The following UBE2Z variants were observed in gnomAD, a reference collection of about 807,000 sequenced individuals.
UBE2Z encodes the protein ubiquitin-conjugating enzyme E2 Z.
In UBE2Z, 10 loss-of-function variants were observed where a neutral mutation model predicts 32.6. The ratio of observed to expected loss-of-function variants is 0.31; its 90% CI spans 0.19 to 0.52. The LOEUF is 0.52. Among genes scored for constraint, UBE2Z ranks in the 20% least tolerant of loss-of-function variants. The pLI is 0.97. For synonymous variants in UBE2Z, 183 were observed against 190.8 expected, an observed-to-expected ratio of 0.96 and a Z score of 0.34; for missense variants, 343 against 480.9, an observed-to-expected ratio of 0.71 and a Z score of 2.68.
intron 3 of UBE2Z, among the ~76,000 whole-genome samples, chr17:48,914,170 G>A (rs1388201524): frequency 1.3e-5 from 2 of 152,158 alleles, no homozygotes; most frequent in Non-Finnish European, 2.9e-5. Context: ...AGTTGCCTTT[G>A]GGGGCTGAAA....
At position 48,910,811 on chromosome 17, in the gene UBE2Z, T is replaced by A; in HGVS notation, c.321T>A (p.Asp107Glu). 1 of 1,612,190 alleles carries A rather than the reference T, an allele frequency of 6.2e-7. No individual in the cohort carries two copies. Among genetic ancestry groups the A allele is most frequent in the Non-Finnish European group, 8.5e-7 (1 of 1,178,314 alleles). ...ACCTCCTCTTGGTGTTATACAGGGA[T>A]ATCATGTCCATTTATAAGGAGCCTC... ...APQCLLRIKR[D>E]IMSIYKEPPP... is the part of the protein sequence containing the mutation. The change falls in exon 2 of 7, where the codon GAT (aspartate) becomes GAA (glutamate). Residue 107 changes from aspartate (D) to glutamate (E), a missense_variant. Coordinates refer to ENST00000360943, the MANE Select transcript of UBE2Z (RefSeq NM_023079.5).
Position 48,927,229 on chromosome 17 carries a change from A to G in UBE2Z, c.*95A>G, listed in dbSNP as rs1429343196. The G allele has an allele frequency of 5.3e-5, 70 of 1,312,828 alleles. No individual in the cohort carries two copies. Among genetic ancestry groups the G allele is most frequent in the Non-Finnish European group, 1.9e-5 (18 of 951,130 alleles). 81.3% of individuals were successfully genotyped at this position (1,312,828 alleles called of 1,614,324 possible). On this transcript the variant is annotated 3_prime_UTR_variant, in exon 7 of 7. Transcript: ENST00000360943. The stretch of plus-strand genomic sequence containing the variant: ...GGAGAGGCACTGTGTATCTCCCTCC[A>G]GACTCGAAGTCATCCTGCAAGATGG...
intron 4 of UBE2Z, among the ~76,000 whole-genome samples, chr17:48,918,312 A>G (rs892271660): frequency 6.6e-6 from 1 of 152,164 alleles, no homozygotes; most frequent in African/African-American, 2.4e-5. Context: ...ACAAAGGATA[A>G]TAAAATGCCT....
intron 4 of UBE2Z, 22 bp downstream of exon 4, chr17:48,916,209 T>A: frequency 7.0e-7 from 1 of 1,431,540 alleles, no homozygotes; most frequent in Non-Finnish European, 9.4e-7. Context: ...TGGGCCTGGC[T>A]CTGGGGTGTA....
intron 4 of UBE2Z, among the ~76,000 whole-genome samples, chr17:48,917,319 A>G (rs563374387): frequency 3.9e-5 from 6 of 152,206 alleles, no homozygotes; most frequent in Admixed American, 1.3e-4. Context: ...AAATAATAAT[A>G]ATAATGAATT....
At chr17:48,915,880 T>A in intron 3 of UBE2Z, 196 bp from the exon 4 acceptor site, 1 of 258,892 alleles carries the variant, frequency 3.9e-6, no homozygotes, top group South Asian at 6.1e-5. Context: ...CCCCCCTTGA[T>A]TTGAGGATTA....
intron 5 of UBE2Z, among the ~76,000 whole-genome samples, 190 bp downstream of exon 5, chr17:48,921,462 A>AT (rs1361185950): frequency 1.3e-5 from 2 of 152,208 alleles, no homozygotes; most frequent in African/African-American, 4.8e-5. Context: ...TTGTTGGAGA[A>AT]TGCCATGCCT....
chr17:48,908,650 G>A lies in UBE2Z; in HGVS notation c.147G>A (p.Ala49=), dbSNP rs2040647626. The A allele has an allele frequency of 4.9e-6, 6 of 1,221,968 alleles. No individual in the cohort carries two copies. Among genetic ancestry groups the A allele is most frequent in the Non-Finnish European group, 6.1e-6 (6 of 980,458 alleles). 75.7% of individuals were successfully genotyped at this position (1,221,968 alleles called of 1,614,324 possible). ...PPFLPDVWAA[A]AAAGGAGGPG... is the part of the protein sequence containing the mutation. Reference sequence around the variant, plus strand: ...TCCTGCCGGATGTGTGGGCGGCGGCGGCGGCAGCGGGCGGGGCCGGGGGCC... The same window carrying A: ...TCCTGCCGGATGTGTGGGCGGCGGCAGCGGCAGCGGGCGGGGCCGGGGGCC... Residue 49 remains alanine, a synonymous_variant, in exon 1 of 7, where the codon GCG becomes GCA. Coordinates refer to ENST00000360943, the MANE Select transcript of UBE2Z (RefSeq NM_023079.5).
At chr17:48,910,684 G>C in intron 1 of UBE2Z, 124 bp from the exon 2 acceptor site, 1 of 761,476 alleles carries the variant, frequency 1.3e-6, no homozygotes, top group Non-Finnish European at 2.4e-6. Context: ...AAACACTTGC[G>C]GTACCAAGCA....
rs1230054134 is a variant in UBE2Z at position 48,908,538 on chromosome 17, C to G, written c.35C>G (p.Ala12Gly). Residue 12 changes from alanine (A) to glycine (G), a missense_variant, in exon 1 of 7, where the codon GCG becomes GGG. Transcript: ENST00000360943. ...AESPTEEAAT[A>G]GAGAAGPGAS... ...AGTCCGACTGAGGAGGCGGCAACGG[C>G]GGGCGCCGGGGCGGCGGGCCCCGGG... The G allele has an allele frequency of 8.1e-7, 1 of 1,235,990 alleles. No individual in the cohort carries two copies. The highest frequency in any genetic ancestry group is 1.0e-6 in the Non-Finnish European group (1 of 988,536). 76.6% of individuals were successfully genotyped at this position (1,235,990 alleles called of 1,614,324 possible).
chr17:48,910,135 C>T (rs1252671277), intron 1 of UBE2Z, among the ~76,000 whole-genome samples: 1 of 152,170 alleles, frequency 6.6e-6, no homozygotes, highest in East Asian at 1.9e-4. Context: ...CCCTTGCTCT[C>T]AACTGATCCA....
intron 2 of UBE2Z, 153 bp from the exon 3 acceptor site, chr17:48,912,681 A>G (rs1219985754): frequency 2.0e-5 from 15 of 755,712 alleles, no homozygotes; most frequent in African/African-American, 1.9e-4. Context: ...AGTATGAGTG[A>G]ATACAGGATG....
chr17:48,908,906 C>A, intron 1 of UBE2Z, 86 bp downstream of exon 1: 1 of 1,036,090 alleles, frequency 9.7e-7, no homozygotes, highest in Middle Eastern at 3.9e-4. Context: ...CAACTCACCC[C>A]CCACCCACTG....
At chr17:48,915,887 A>T in intron 3 of UBE2Z, 189 bp from the exon 4 acceptor site, 2 of 263,184 alleles carry the variant, frequency 7.6e-6, no homozygotes, top group Non-Finnish European at 6.8e-6. Context: ...TGATTTGAGG[A>T]TTAGGCAATT....
At position 48,908,711 on chromosome 17, in the gene UBE2Z, C is replaced by T. The variant is rs1233395641; in HGVS notation, c.208C>T (p.Pro70Ser). ...CCTGGCTCCGCTGCCCGGGCTCCCG[C>T]CCTCAGCCGCTGCCCACGGGGCCGC... ...SGLAPLPGLP[P>S]SAAAHGAALL... Residue 70 changes from proline to serine, a missense_variant, in exon 1 of 7, where the codon CCC (proline) becomes TCC (serine). This residue lies in a region of UBE2Z where 3 missense variants were observed against 16.2 expected (regional missense o/e 0.19). Coordinates refer to ENST00000360943, the MANE Select transcript of UBE2Z (RefSeq NM_023079.5). The T allele has an allele frequency of 7.3e-7, 1 of 1,373,920 alleles. No individual in the cohort carries two copies. Among genetic ancestry groups the T allele is most frequent in the South Asian group, 1.6e-5 (1 of 63,618 alleles). 85.1% of individuals were successfully genotyped at this position (1,373,920 alleles called of 1,614,324 possible).
Position 48,927,343 on chromosome 17 carries a change from C to T in UBE2Z, c.*209C>T, listed in dbSNP as rs1260540256. ...CTTGGCACTGGAGCATCTGGGGCTT[C>T]GTTCATCCATTCATCCCGTATCAGG... On this transcript the variant is annotated 3_prime_UTR_variant, in exon 7 of 7. Coordinates refer to ENST00000360943, the MANE Select transcript of UBE2Z (RefSeq NM_023079.5). 11 of 562,330 alleles carry T rather than the reference C, an allele frequency of 2.0e-5. No individual in the cohort carries two copies. The highest frequency in any genetic ancestry group is 1.1e-4 in the African/African-American group (6 of 53,494). 34.8% of individuals were successfully genotyped at this position (562,330 alleles called of 1,614,324 possible).
At position 48,915,873 on chromosome 17, in the gene UBE2Z, C is replaced by A. The variant is rs925268249; in HGVS notation, c.579-203C>A. Reference sequence around the variant, plus strand: ...CTATTACCTGTTCTTTTGCCCCCCCCCCTTGATTTGAGGATTAGGCAATTG... The same window carrying A: ...CTATTACCTGTTCTTTTGCCCCCCCACCTTGATTTGAGGATTAGGCAATTG... On this transcript the variant is annotated intron_variant, in intron 3 of 6. Transcript: ENST00000360943. The A allele has an allele frequency of 1.8e-5, 6 of 338,502 alleles. 1 individual carries two copies. Among genetic ancestry groups the A allele is most frequent in the African/African-American group, 1.2e-4 (5 of 41,000 alleles). The allele number at this position is 338,502 out of a possible 1,614,324, so 21.0% of individuals were successfully genotyped here.
intron 4 of UBE2Z, among the ~76,000 whole-genome samples, chr17:48,919,065 A>G (rs550616711): frequency 1.3e-5 from 2 of 149,750 alleles, no homozygotes; most frequent in African/African-American, 4.9e-5. Context: ...TTTATTTTTT[A>G]CTTCCAGAAT....
chr17:48,919,621 T>C (rs1291074682), intron 4 of UBE2Z, among the ~76,000 whole-genome samples: 1 of 152,016 alleles, frequency 6.6e-6, no homozygotes, highest in East Asian at 1.9e-4. Context: ...GGACGACAGG[T>C]GCACACCACC....
Sources: gnomAD v4.1 joint callset for allele counts (sites outside exome capture counted in the v4.1 genomes callset) on GRCh38, gnomAD v4.1.1 for gene constraint, gnomAD v4.1.1 regional missense constraint, MANE v1.5 for transcripts, NCBI Gene and HGNC (gene_info 2026-07-23, HGNC 2026-07-21) for gene names.